Variants in PLEKHM3 observed in about 807,000 individuals in gnomAD.
The protein encoded by PLEKHM3 is pleckstrin homology domain-containing family M member 3.
Under a neutral mutation model 81.8 loss-of-function variants are expected in PLEKHM3, and 45 were observed. The observed-to-expected ratio is 0.55, with a 90% CI of 0.43 to 0.71. PLEKHM3 has a LOEUF of 0.71. Ranked by LOEUF, PLEKHM3 falls within the 30% of genes least tolerant of loss-of-function variation. The probability of loss-of-function intolerance (pLI) is 0.00; values close to 1 mark genes in which losing one functional copy is unlikely to be tolerated. For missense variants in PLEKHM3, 788 were observed against 924.3 expected, an observed-to-expected ratio of 0.85 and a Z score of 1.91; for synonymous variants, 352 against 356.4, an observed-to-expected ratio of 0.99 and a Z score of 0.14.
intron 7 of PLEKHM3, among the ~76,000 whole-genome samples, chr2:207,830,718 A>C (rs372723113): frequency 1.4e-4 from 6 of 41,654 alleles, no homozygotes; most frequent in African/African-American, 7.9e-4. Context: ...AAGTGTCCTT[A>C]GAAGTGTCCT....
At chr2:207,904,072 C>T (rs917014984) in intron 6 of PLEKHM3, among the ~76,000 whole-genome samples, 3 of 152,184 alleles carry the variant, frequency 2.0e-5, no homozygotes, top group Admixed American at 6.5e-5. Context: ...AATACTAGTC[C>T]ATGCATCCAC....
intron 7 of PLEKHM3, among the ~76,000 whole-genome samples, chr2:207,840,833 C>T (rs1367887346): frequency 1.6e-5 from 2 of 125,980 alleles, no homozygotes; most frequent in Non-Finnish European, 3.2e-5. Flanking sequence ...GAGACAGAGT[C>T]TCTGTCACCC....
At chr2:207,902,591 G>A (rs1397552992) in intron 6 of PLEKHM3, among the ~76,000 whole-genome samples, 2 of 152,064 alleles carry the variant, frequency 1.3e-5, no homozygotes, top group Non-Finnish European at 2.9e-5. Flanking sequence ...TGGAGTGTTC[G>A]GGAAGTTTAC....
chr2:208,007,405 G>A (rs1054502145), intron 1 of PLEKHM3, among the ~76,000 whole-genome samples: 1 of 152,134 alleles, frequency 6.6e-6, no homozygotes, highest in Non-Finnish European at 1.5e-5. Flanking sequence ...GTAAGGATGT[G>A]GATGGAGCAC....
chr2:207,836,036 C>G (rs1449355670), intron 7 of PLEKHM3, among the ~76,000 whole-genome samples: 2 of 152,134 alleles, frequency 1.3e-5, no homozygotes, highest in Admixed American at 6.5e-5. Context: ...AAGGGAGGAC[C>G]AGAGTTCAAC....
intron 4 of PLEKHM3, among the ~76,000 whole-genome samples, chr2:207,940,221 T>C (rs142954819): frequency 6.6e-6 from 1 of 152,236 alleles, no homozygotes; most frequent in Non-Finnish European, 1.5e-5. Flanking sequence ...ATAGATGTTA[T>C]GATAATGAAA....
chr2:207,938,415 AT>A lies in PLEKHM3; in HGVS notation c.1693-7297del, dbSNP rs1275781861. On this transcript the variant is annotated intron_variant, in intron 4 of 7. Coordinates refer to ENST00000427836, the MANE Select transcript of PLEKHM3 (RefSeq NM_001080475.3). Reference sequence around the variant, plus strand: ...GGAAATGCTTAAGATGACAGATTTCATTCTGTTCTGCAAAACCATTTTTTTA... The same window carrying A: ...GGAAATGCTTAAGATGACAGATTTCATCTGTTCTGCAAAACCATTTTTTTA... Among the ~76,000 whole-genome samples, 4 of 152,312 alleles carry A rather than the reference AT, an allele frequency of 2.6e-5. No homozygotes were observed. In the East Asian group the frequency reaches 7.7e-4, roughly 29 times the overall value.
intron 3 of PLEKHM3, among the ~76,000 whole-genome samples, chr2:207,955,303 AT>A (rs1412466065): frequency 6.6e-6 from 1 of 152,078 alleles, no homozygotes; most frequent in African/African-American, 2.4e-5. Flanking sequence ...TAAACTTAGT[AT>A]TTTTTTCATC....
At chr2:207,905,411 T>C (rs1688569574) in intron 6 of PLEKHM3, among the ~76,000 whole-genome samples, 1 of 152,144 alleles carries the variant, frequency 6.6e-6, no homozygotes, top group Admixed American at 6.5e-5. Context: ...GGTGGTTGGG[T>C]CAGTTAGGTA....
At chr2:207,930,902 C>G in intron 5 of PLEKHM3, 24 bp downstream of exon 5, 1 of 1,602,544 alleles carries the variant, frequency 6.2e-7, no homozygotes, top group Non-Finnish European at 8.5e-7. Context: ...CAAACGGGAG[C>G]CGTCTGAGAT....
chr2:207,870,325 T>C (rs1435080727), intron 6 of PLEKHM3, among the ~76,000 whole-genome samples: 2 of 152,190 alleles, frequency 1.3e-5, no homozygotes, highest in Admixed American at 1.3e-4. Flanking sequence ...ATTTGTCAAT[T>C]TACCTTCCAT....
chr2:207,908,328 GC>G (rs932943063), intron 6 of PLEKHM3, among the ~76,000 whole-genome samples, 185 bp downstream of exon 6: 3 of 152,098 alleles, frequency 2.0e-5, no homozygotes, highest in African/African-American at 4.8e-5. Flanking sequence ...CTGCATCCTT[GC>G]CAACATTTGT....
intron 3 of PLEKHM3, among the ~76,000 whole-genome samples, chr2:207,969,486 C>T (rs1691037649): frequency 6.6e-6 from 1 of 152,170 alleles, no homozygotes; most frequent in Non-Finnish European, 1.5e-5. Flanking sequence ...ATAAAACAGG[C>T]CTTTGCCAGA....
At chr2:207,872,551 G>C (rs13382754) in intron 6 of PLEKHM3, among the ~76,000 whole-genome samples, 1 of 151,978 alleles carries the variant, frequency 6.6e-6, no homozygotes, top group East Asian at 1.9e-4. Flanking sequence ...ACTTAAACCC[G>C]AGGCGGCCGG....
intron 5 of PLEKHM3, chr2:207,929,870 C>T: frequency 2.9e-6 from 2 of 694,264 alleles, no homozygotes; most frequent in Non-Finnish European, 5.2e-6. Context: ...CAATACTTTC[C>T]AAAAGTTCTT....
At chr2:207,915,191 A>G (rs1207666713) in intron 5 of PLEKHM3, among the ~76,000 whole-genome samples, 3 of 152,210 alleles carry the variant, frequency 2.0e-5, no homozygotes, top group Non-Finnish European at 4.4e-5. Context: ...TCATTTATAG[A>G]TTGCTCTAAT....
chr2:207,975,672 C>G (rs1691283404), intron 3 of PLEKHM3, among the ~76,000 whole-genome samples: 1 of 133,060 alleles, frequency 7.5e-6, no homozygotes, highest in African/African-American at 2.8e-5. Context: ...TCTTGGCTCA[C>G]TGCAACCTCT....
intron 7 of PLEKHM3, among the ~76,000 whole-genome samples, chr2:207,860,439 C>T (rs901793615): frequency 6.6e-6 from 1 of 152,132 alleles, no homozygotes; most frequent in African/African-American, 2.4e-5. Context: ...CCATGACATT[C>T]ATGCCCAAAG....
intron 1 of PLEKHM3, among the ~76,000 whole-genome samples, chr2:208,018,208 A>G (rs1033554822): frequency 2.6e-5 from 4 of 152,028 alleles, no homozygotes. Context: ...CCCCATCTCT[A>G]CCAAAAATAC....
Sources: allele counts gnomAD v4.1 joint callset (sites outside exome capture counted in the v4.1 genomes callset), GRCh38; gene constraint gnomAD v4.1.1; transcripts MANE v1.5; gene names NCBI Gene and HGNC (gene_info 2026-07-23, HGNC 2026-07-21).